Variants in MTUS2 observed in about 807,000 individuals in gnomAD.
The protein encoded by MTUS2 is microtubule-associated tumor suppressor candidate 2.
A neutral mutation model predicts 114.1 loss-of-function variants in MTUS2; 40 were observed. The ratio of observed to expected loss-of-function variants is 0.35; its 90% CI spans 0.27 to 0.46. The LOEUF (loss-of-function observed/expected upper bound fraction) is 0.46. Ranked by LOEUF, MTUS2 falls within the 20% of genes least tolerant of loss-of-function variation. The pLI is 1.00. For missense variants in MTUS2, 1,679 were observed against 1,705.4 expected, an observed-to-expected ratio of 0.98 and a Z score of 0.27; for synonymous variants, 688 against 672.0, an observed-to-expected ratio of 1.02 and a Z score of -0.37.
chr13:29,350,244 T>C (rs1402311756), intron 7 of MTUS2, among the ~76,000 whole-genome samples: 1 of 151,838 alleles, frequency 6.6e-6, no homozygotes, highest in African/African-American at 2.4e-5. Flanking sequence ...TATGAAGAAA[T>C]CAGCTAGGCT....
At chr13:28,849,341 T>C (rs76530016) in intron 2 of MTUS2, among the ~76,000 whole-genome samples, 1,674 of 152,240 alleles carry the variant, frequency 0.011, 8 homozygotes, top group Non-Finnish European at 0.017. Context: ...AGGGAGAAGA[T>C]AGAAAGTTAT....
intron 6 of MTUS2, chr13:29,307,581 C>A (rs1468845589): frequency 1.6e-5 from 20 of 1,228,608 alleles, no homozygotes; most frequent in Non-Finnish European, 2.3e-5. Flanking sequence ...TGTCAGAGGG[C>A]CCCCTCAAGG....
At chr13:28,998,526 A>G (rs1885226243) in intron 2 of MTUS2, among the ~76,000 whole-genome samples, 1 of 152,184 alleles carries the variant, frequency 6.6e-6, no homozygotes, top group Non-Finnish European at 1.5e-5. Context: ...TTTCAGGTAC[A>G]CCAGTCAGAC....
At chr13:29,317,438 T>TATAACTCATCCAGG (rs1445842771) in intron 6 of MTUS2, among the ~76,000 whole-genome samples, 43 of 53,350 alleles carry the variant, frequency 8.1e-4, no homozygotes, top group Admixed American at 1.7e-3. Flanking sequence ...CTCTCTTTTT[T>TATAACTCATCCAGG]TTTTTTTTTT....
chr13:29,389,997 GTA>G (rs751163538), intron 8 of MTUS2, among the ~76,000 whole-genome samples: 13,181 of 26,308 alleles, frequency 0.5, 3,766 homozygotes, highest in Admixed American at 0.62. Flanking sequence ...GTGTATGTAT[GTA>G]TGTGTATATA....
At chr13:29,499,124 G>A (rs1882732981) in intron 14 of MTUS2, among the ~76,000 whole-genome samples, 1 of 152,200 alleles carries the variant, frequency 6.6e-6, no homozygotes, top group African/African-American at 2.4e-5. Context: ...CCATCACTTT[G>A]GGGGTTAGGT....
In MTUS2 at chr13:29,142,883, T is replaced by C. The variant is rs187185358; in HGVS notation, c.2644+41913T>C. 3.6e-3 allele frequency among the ~76,000 whole-genome samples: 544 copies of C among 152,294 alleles called. 6 individuals are homozygous for C. Among genetic ancestry groups the C allele is most frequent in the African/African-American group, 0.012 (508 of 41,558 alleles). On this transcript the variant is annotated intron_variant, in intron 5 of 15. Coordinates refer to ENST00000612955, the MANE Select transcript of MTUS2 (RefSeq NM_001033602.4). ...GGCATGTTGACTTGAAGGGGCAACA[T>C]GTACATAAAGCAAGGCAGCATGTAC...
chr13:28,877,718 C>T (rs1245711088), intron 2 of MTUS2, among the ~76,000 whole-genome samples: 1 of 152,188 alleles, frequency 6.6e-6, no homozygotes, highest in Non-Finnish European at 1.5e-5. Flanking sequence ...AGCTTTCATG[C>T]TGATCCATAG....
intron 5 of MTUS2, among the ~76,000 whole-genome samples, chr13:29,111,930 G>A (rs1890900592): frequency 6.6e-6 from 1 of 152,176 alleles, no homozygotes; most frequent in Non-Finnish European, 1.5e-5. Context: ...ATTCCACACT[G>A]TGTACAGGAA....
intron 5 of MTUS2, among the ~76,000 whole-genome samples, chr13:29,196,869 C>T (rs1894724805): frequency 6.6e-6 from 1 of 152,160 alleles, no homozygotes; most frequent in Non-Finnish European, 1.5e-5. Flanking sequence ...ACTTGAGTTG[C>T]TTTCACATCT....
At chr13:29,101,092 A>G in intron 5 of MTUS2, 122 bp downstream of exon 5, 2 of 1,089,606 alleles carry the variant, frequency 1.8e-6, no homozygotes, top group South Asian at 1.7e-5. Context: ...TTAGCTTCCC[A>G]TTGTTGTGTT....
At chr13:29,103,946 C>T (rs1254640841) in intron 5 of MTUS2, among the ~76,000 whole-genome samples, 1 of 152,178 alleles carries the variant, frequency 6.6e-6, no homozygotes, top group Non-Finnish European at 1.5e-5. Context: ...CTAGGCTAGC[C>T]TGGCTCTACT....
At chr13:29,335,450 A>G (rs1190165311) in intron 7 of MTUS2, among the ~76,000 whole-genome samples, 5 of 152,004 alleles carry the variant, frequency 3.3e-5, no homozygotes, top group African/African-American at 1.2e-4. Flanking sequence ...CCCTGCCTCC[A>G]TTTGCCTTGT....
intron 5 of MTUS2, among the ~76,000 whole-genome samples, chr13:29,268,260 GAA>G (rs1897742904): frequency 6.6e-6 from 1 of 152,170 alleles, no homozygotes; most frequent in African/African-American, 2.4e-5. Context: ...TTGTGAAATA[GAA>G]AAGAGAATGT....
At chr13:29,340,338 A>T in intron 7 of MTUS2, among the ~76,000 whole-genome samples, 1 of 152,244 alleles carries the variant, frequency 6.6e-6, no homozygotes. Flanking sequence ...TGAAAACTGC[A>T]GATGCCTGTT....
intron 8 of MTUS2, among the ~76,000 whole-genome samples, chr13:29,433,629 C>T (rs574454144): frequency 1.8e-4 from 28 of 152,250 alleles, no homozygotes; most frequent in African/African-American, 5.5e-4. Flanking sequence ...GTATTGAAAA[C>T]GAGTGCGATA....
At chr13:29,055,286 A>G (rs1242587848) in intron 4 of MTUS2, among the ~76,000 whole-genome samples, 2 of 152,100 alleles carry the variant, frequency 1.3e-5, no homozygotes, top group Non-Finnish European at 2.9e-5. Context: ...TGAAATATGC[A>G]TCTTTATTCG....
At chr13:28,901,832 G>A (rs1334514806) in intron 2 of MTUS2, among the ~76,000 whole-genome samples, 1 of 152,056 alleles carries the variant, frequency 6.6e-6, no homozygotes, top group Non-Finnish European at 1.5e-5. Flanking sequence ...TTATGGTAGG[G>A]TTTGTGCCTC....
intron 7 of MTUS2, among the ~76,000 whole-genome samples, chr13:29,327,435 G>C (rs1900571841): frequency 6.6e-6 from 1 of 151,966 alleles, no homozygotes; most frequent in Admixed American, 6.6e-5. Flanking sequence ...GACAACCACT[G>C]ATCTGTTCTG....
Sources: allele counts gnomAD v4.1 joint callset (sites outside exome capture counted in the v4.1 genomes callset), GRCh38; gene constraint gnomAD v4.1.1; transcripts MANE v1.5; gene names NCBI Gene and HGNC (gene_info 2026-07-23, HGNC 2026-07-21).